The following PTPRM variants were observed in gnomAD, a reference collection of about 807,000 sequenced individuals.
The protein encoded by PTPRM is protein tyrosine phosphatase receptor type M, also known as receptor-type tyrosine-protein phosphatase mu.
A neutral mutation model predicts 186.7 loss-of-function variants in PTPRM; 47 were observed. The observed-to-expected ratio is 0.25, with a 90% CI of 0.20 to 0.32. The LOEUF is 0.32. Ranked by LOEUF, PTPRM falls within the 10% of genes least tolerant of loss-of-function variation. The probability of loss-of-function intolerance (pLI) is 1.00; values close to 1 mark genes in which losing one functional copy is unlikely to be tolerated. For synonymous variants in PTPRM, 668 were observed against 674.9 expected, an observed-to-expected ratio of 0.99 and a Z score of 0.16; for missense variants, 1,494 against 1,865.0, an observed-to-expected ratio of 0.80 and a Z score of 3.66.
chr18:7,932,707 A>G (rs993921041), intron 5 of PTPRM, among the ~76,000 whole-genome samples: 15 of 152,150 alleles, frequency 9.9e-5, no homozygotes, highest in African/African-American at 3.1e-4. Flanking sequence ...AAAATCCATC[A>G]TAGCACAATA....
chr18:8,104,885 T>C lies in PTPRM; in HGVS notation c.1857-8601T>C, dbSNP rs186970964. ...ATGTTCTTTTTCCTTTCACCATTTTTATTAGTCTCCAAAGAATCAATAAAT... is the reference window on the plus strand; with the variant it reads ...ATGTTCTTTTTCCTTTCACCATTTTCATTAGTCTCCAAAGAATCAATAAAT... On this transcript the variant is annotated intron_variant, in intron 11 of 32. Coordinates refer to ENST00000580170, the MANE Select transcript of PTPRM (RefSeq NM_001105244.2). Among the ~76,000 whole-genome samples the C allele has an allele frequency of 4.6e-3, 695 of 152,358 alleles. 3 individuals carry two copies. Among genetic ancestry groups the C allele is most frequent in the Non-Finnish European group, 7.1e-3 (485 of 68,042 alleles).
intron 1 of PTPRM, among the ~76,000 whole-genome samples, chr18:7,734,541 G>T (rs73939355): frequency 0.037 from 5,592 of 152,264 alleles, 350 homozygotes; most frequent in African/African-American, 0.13. Context: ...ATTTTTGGGA[G>T]AGGGAAGGCA....
chr18:7,939,630 A>G (rs1355134442), intron 5 of PTPRM, among the ~76,000 whole-genome samples: 2 of 152,178 alleles, frequency 1.3e-5, no homozygotes, highest in African/African-American at 2.4e-5. Flanking sequence ...CATCATCATT[A>G]TGGTTATTTC....
rs372415792 is a variant in PTPRM, at chr18:7,705,126, G to A, written c.74-69023G>A. On this transcript the variant is annotated intron_variant, in intron 1 of 32. Coordinates refer to ENST00000580170, the MANE Select transcript of PTPRM (RefSeq NM_001105244.2). ...TAATAGAATTACTGTACATTCACTAGAAACAAATTTTTTAACATGTCATTT... is the reference window on the plus strand; with the variant it reads ...TAATAGAATTACTGTACATTCACTAAAAACAAATTTTTTAACATGTCATTT... 2.6e-5 allele frequency among the ~76,000 whole-genome samples: 4 copies of A among 152,120 alleles called. No homozygotes were observed. The East Asian group carries it at 5.8e-4, about 22-fold the overall frequency.
intron 1 of PTPRM, among the ~76,000 whole-genome samples, chr18:7,769,980 T>C (rs2042198462): frequency 1.3e-5 from 2 of 152,122 alleles, no homozygotes; most frequent in African/African-American, 2.4e-5. Flanking sequence ...GTATATGACT[T>C]GGGTTTAGTC....
intron 23 of PTPRM, among the ~76,000 whole-genome samples, chr18:8,367,342 C>A (rs968354825): frequency 2.6e-5 from 4 of 152,240 alleles, no homozygotes; most frequent in Admixed American, 2.0e-4. Flanking sequence ...TCGGGAGGGG[C>A]CTTGCCCAGC....
intron 21 of PTPRM, among the ~76,000 whole-genome samples, chr18:8,315,780 A>G (rs1287961733): frequency 2.6e-5 from 4 of 152,238 alleles, no homozygotes; most frequent in Non-Finnish European, 5.9e-5. Context: ...TTATCTAAAA[A>G]TAACTATGAG....
intron 2 of PTPRM, among the ~76,000 whole-genome samples, chr18:7,874,598 G>A (rs1353290258): frequency 6.6e-6 from 1 of 151,150 alleles, no homozygotes. Flanking sequence ...TATGAAAAAC[G>A]AGTTTTAAAA....
At chr18:8,123,461 A>G (rs1326085027) in intron 13 of PTPRM, among the ~76,000 whole-genome samples, 1 of 152,224 alleles carries the variant, frequency 6.6e-6, no homozygotes, top group African/African-American at 2.4e-5. Flanking sequence ...TTGTAGACTG[A>G]TGTTATAAGG....
At chr18:7,593,655 T>C (rs1567972573) in intron 1 of PTPRM, among the ~76,000 whole-genome samples, 1 of 152,188 alleles carries the variant, frequency 6.6e-6, no homozygotes, top group Non-Finnish European at 1.5e-5. Context: ...ATTAATGCAT[T>C]AGCAATCACT....
intron 23 of PTPRM, among the ~76,000 whole-genome samples, chr18:8,344,474 A>ATATATATATATATATATATATATCTC (rs1318982857): frequency 6.8e-6 from 1 of 147,292 alleles, no homozygotes; most frequent in Admixed American, 6.8e-5. Context: ...ATATATATAT[A>ATATATATATATATATATATATATCTC]TCTAGCAAAA....
intron 1 of PTPRM, among the ~76,000 whole-genome samples, chr18:7,755,902 G>A (rs1177968013): frequency 2.0e-5 from 3 of 152,256 alleles, no homozygotes; most frequent in East Asian, 3.9e-4. Flanking sequence ...TCTCCCTCTA[G>A]TGTTCCACTT....
At chr18:7,796,578 C>T (rs1279860933) in intron 2 of PTPRM, among the ~76,000 whole-genome samples, 2 of 152,164 alleles carry the variant, frequency 1.3e-5, no homozygotes, top group African/African-American at 2.4e-5. Context: ...TACCGTGGGC[C>T]ATTCCCAGTG....
intron 11 of PTPRM, among the ~76,000 whole-genome samples, chr18:8,107,352 C>G (rs1398964935): frequency 6.6e-6 from 1 of 152,170 alleles, no homozygotes; most frequent in African/African-American, 2.4e-5. Context: ...GCCTAATGTT[C>G]TAGTTGTTCT....
At chr18:8,165,328 T>C (rs1451153613) in intron 14 of PTPRM, among the ~76,000 whole-genome samples, 2 of 152,164 alleles carry the variant, frequency 1.3e-5, no homozygotes, top group African/African-American at 4.8e-5. Flanking sequence ...TGTCATCAAG[T>C]GTTTCCCTTT....
At chr18:8,052,032 C>T (rs949261219) in intron 7 of PTPRM, among the ~76,000 whole-genome samples, 2 of 152,314 alleles carry the variant, frequency 1.3e-5, no homozygotes, top group African/African-American at 2.4e-5. Flanking sequence ...TCCTCCAAGA[C>T]AGAACTTCTC....
At chr18:8,102,852 A>G (rs1057140356) in intron 11 of PTPRM, among the ~76,000 whole-genome samples, 5 of 152,220 alleles carry the variant, frequency 3.3e-5, no homozygotes. Context: ...TAGCATCACA[A>G]AATCTATTCC....
intron 19 of PTPRM, among the ~76,000 whole-genome samples, chr18:8,291,362 G>A (rs181767493): frequency 2.5e-4 from 38 of 152,290 alleles, no homozygotes; most frequent in African/African-American, 3.4e-4. Flanking sequence ...GAAGCCAGTC[G>A]TTGGCATATG....
intron 14 of PTPRM, among the ~76,000 whole-genome samples, chr18:8,151,692 G>GAAAA (rs1242594668): frequency 3.8e-5 from 4 of 105,260 alleles, no homozygotes; most frequent in Non-Finnish European, 1.9e-5. Context: ...CTGGGGTATG[G>GAAAA]AAAAAAAAAA....
Sources: gnomAD v4.1 joint callset for allele counts (sites outside exome capture counted in the v4.1 genomes callset) on GRCh38, gnomAD v4.1.1 for gene constraint, MANE v1.5 for transcripts, NCBI Gene and HGNC (gene_info 2026-07-23, HGNC 2026-07-21) for gene names.